PARD3B: variants seen among roughly 807,000 people sequenced by gnomAD.
The protein encoded by PARD3B is partitioning defective 3 homolog B.
In PARD3B, 103 loss-of-function variants were observed where a neutral mutation model predicts 130.2. The observed-to-expected ratio is 0.79, with a 90% CI of 0.67 to 0.93. The LOEUF (loss-of-function observed/expected upper bound fraction) is 0.93. PARD3B is among the 40% of genes least tolerant of loss of function. The probability of loss-of-function intolerance (pLI) is 0.00; values close to 1 mark genes in which losing one functional copy is unlikely to be tolerated. For synonymous variants in PARD3B, 583 were observed against 553.2 expected, an observed-to-expected ratio of 1.05 and a Z score of -0.76; for missense variants, 1,609 against 1,499.2, an observed-to-expected ratio of 1.07 and a Z score of -1.21.
intron 1 of PARD3B, among the ~76,000 whole-genome samples, chr2:204,628,513 C>A (rs886257372): frequency 3.9e-5 from 6 of 152,048 alleles, no homozygotes; most frequent in African/African-American, 1.4e-4. Flanking sequence ...TCTTTTCCTG[C>A]AACAACATAG....
intron 2 of PARD3B, among the ~76,000 whole-genome samples, chr2:204,868,142 C>G (rs1180479803): frequency 6.6e-6 from 1 of 152,150 alleles, no homozygotes; most frequent in Non-Finnish European, 1.5e-5. Context: ...TCATACAGGT[C>G]TCTACAAAGT....
intron 22 of PARD3B, among the ~76,000 whole-genome samples, chr2:205,599,202 C>A (rs1284936785): frequency 6.6e-6 from 1 of 152,100 alleles, no homozygotes; most frequent in South Asian, 2.1e-4. Flanking sequence ...TTATATAAAC[C>A]TCACTTAGTA....
At position 205,615,748 on chromosome 2, in the gene PARD3B, C is replaced by G. The variant is rs762937169; in HGVS notation, c.3553C>G (p.Pro1185Ala). The G allele has an allele frequency of 1.2e-5, 19 of 1,614,114 alleles. 1 individual carries two copies. The South Asian group carries it at 2.1e-4, about 18-fold the overall frequency. The change falls in exon 23 of 23, where the codon CCA becomes GCA. Residue 1185 changes from proline to alanine, a missense_variant. By Grantham distance (27) the Pro-to-Ala change is conservative. Coordinates refer to ENST00000406610, the MANE Select transcript of PARD3B (RefSeq NM_001302769.2). ...TGRPGPRGGS[P>A]DQYPYRTQDS... ...CAGACCAGGGCCCCGTGGGGGCAGCCCAGACCAGTACCCTTACCGAACCCA... is the reference window on the plus strand; with the variant it reads ...CAGACCAGGGCCCCGTGGGGGCAGCGCAGACCAGTACCCTTACCGAACCCA...
chr2:205,550,955 GTA>G lies in PARD3B; in HGVS notation c.3181-2348_3181-2347del, dbSNP rs1553542806. ...TGTGTGTGTGTGTATATATATATGTGTATATATATATATATATATATACACAC... is the reference window on the plus strand; with the variant it reads ...TGTGTGTGTGTGTATATATATATGTGTATATATATATATATATATACACAC... On this transcript the variant is annotated intron_variant, in intron 21 of 22. Coordinates refer to ENST00000406610, the MANE Select transcript of PARD3B (RefSeq NM_001302769.2). The surrounding 1 kb of genome is among the most constrained non-coding windows in gnomAD (Gnocchi z 4.5). Among the ~76,000 whole-genome samples, 56 of 94,462 alleles carry G rather than the reference GTA, an allele frequency of 5.9e-4. No homozygotes were observed. Among genetic ancestry groups the G allele is most frequent in the African/African-American group, 2.1e-3 (55 of 26,408 alleles). The allele number at this position is 94,462 out of a possible 152,430, so 62.0% of individuals were successfully genotyped here. A position where few individuals can be genotyped will look rare whatever the true frequency, so the allele number is the denominator to read the frequency against.
At chr2:204,697,622 T>C (rs916427216) in intron 2 of PARD3B, among the ~76,000 whole-genome samples, 7 of 152,114 alleles carry the variant, frequency 4.6e-5, no homozygotes, top group Non-Finnish European at 7.4e-5. Flanking sequence ...TGTCAGCCTC[T>C]GAGGCATGCA....
intron 4 of PARD3B, among the ~76,000 whole-genome samples, chr2:205,098,423 A>C (rs966313662): frequency 6.6e-6 from 1 of 152,166 alleles, no homozygotes; most frequent in African/African-American, 2.4e-5. Context: ...TTATTGATAG[A>C]CAGGACCGCT....
At chr2:204,883,552 A>G (rs554066494) in intron 2 of PARD3B, among the ~76,000 whole-genome samples, 1 of 147,924 alleles carries the variant, frequency 6.8e-6, no homozygotes, top group African/African-American at 2.5e-5. Flanking sequence ...GGTTCAAGCA[A>G]TTCTCCTGCC....
intron 8 of PARD3B, 22 bp from the exon 9 acceptor site, chr2:205,124,305 T>G (rs777794324): frequency 5.4e-6 from 8 of 1,485,550 alleles, no homozygotes. Flanking sequence ...TGACTATACA[T>G]TTTCCTGTTC....
chr2:205,580,836 G>A (rs1181470519), intron 22 of PARD3B, among the ~76,000 whole-genome samples: 4 of 152,104 alleles, frequency 2.6e-5, no homozygotes, highest in Non-Finnish European at 5.9e-5. Context: ...TGGAAAAAAA[G>A]CTGCTCTCCT....
intron 2 of PARD3B, among the ~76,000 whole-genome samples, chr2:204,844,687 G>A (rs989209717): frequency 2.6e-5 from 4 of 152,090 alleles, no homozygotes; most frequent in African/African-American, 9.7e-5. Context: ...AAATGATAAA[G>A]CATTGCTCCA....
At chr2:204,719,027 G>T (rs774732471) in intron 2 of PARD3B, among the ~76,000 whole-genome samples, 4 of 152,182 alleles carry the variant, frequency 2.6e-5, no homozygotes, top group Non-Finnish European at 5.9e-5. Flanking sequence ...ATTGGGAGAA[G>T]TTATGATCCA....
intron 6 of PARD3B, among the ~76,000 whole-genome samples, chr2:205,114,083 A>G (rs1470201756): frequency 6.6e-6 from 1 of 152,132 alleles, no homozygotes; most frequent in Non-Finnish European, 1.5e-5. Context: ...ATCATGCTGT[A>G]TTTTCCTAAA....
intron 2 of PARD3B, among the ~76,000 whole-genome samples, chr2:204,837,838 G>T (rs906428149): frequency 1.3e-5 from 2 of 152,110 alleles, no homozygotes; most frequent in Non-Finnish European, 2.9e-5. Context: ...AAGACTATTT[G>T]CTCTATGAGA....
intron 2 of PARD3B, among the ~76,000 whole-genome samples, chr2:204,808,101 T>G (rs1291094434): frequency 6.6e-6 from 1 of 152,010 alleles, no homozygotes; most frequent in Non-Finnish European, 1.5e-5. Flanking sequence ...CTACTATATA[T>G]TCATAAAAAT....
rs1177457614 is a variant in PARD3B at position 205,458,920 on chromosome 2, A to G, written c.3044+18248A>G. The stretch of plus-strand genomic sequence containing the variant: ...TTGAGATCACTAGAAGCTGGATTTT[A>G]GTTATGTGAGGGGTAGTGTATTAGT... On this transcript the variant is annotated intron_variant, in intron 20 of 22. Transcript: ENST00000406610. This position sits in a 1 kb window ranked among gnomAD's most constrained non-coding sequence, Gnocchi z 4.8. Among the ~76,000 whole-genome samples, 1 of 152,148 alleles carries G rather than the reference A, an allele frequency of 6.6e-6. No homozygotes were observed. Among genetic ancestry groups the G allele is most frequent in the Non-Finnish European group, 1.5e-5 (1 of 68,006 alleles).
rs1431536924 is a variant in PARD3B, at chr2:205,405,947, C to G, written c.2741+4824C>G. The stretch of plus-strand genomic sequence containing the variant: ...TGCCTGCCAAAAGCTTAATCTGGTC[C>G]TAAGCTACATTACTGGAAGTTCATG... On this transcript the variant is annotated intron_variant, in intron 19 of 22. Coordinates refer to ENST00000406610, the MANE Select transcript of PARD3B (RefSeq NM_001302769.2). The surrounding 1 kb of genome is among the most constrained non-coding windows in gnomAD (Gnocchi z 4.1). 6.6e-6 allele frequency among the ~76,000 whole-genome samples: 1 copy of G among 152,168 alleles called. No homozygotes were observed. Among genetic ancestry groups the G allele is most frequent in the Non-Finnish European group, 1.5e-5 (1 of 68,012 alleles).
intron 16 of PARD3B, among the ~76,000 whole-genome samples, chr2:205,299,835 C>T (rs2041932231): frequency 6.6e-6 from 1 of 152,174 alleles, no homozygotes; most frequent in Non-Finnish European, 1.5e-5. Flanking sequence ...AATAGGAATA[C>T]ATTCAGAACT....
intron 1 of PARD3B, among the ~76,000 whole-genome samples, chr2:204,638,186 A>G (rs1484119869): frequency 6.6e-6 from 1 of 152,202 alleles, no homozygotes; most frequent in Non-Finnish European, 1.5e-5. Context: ...TGACTTGTGT[A>G]CTTTACTGAA....
chr2:205,333,641 A>G (rs1472972759), intron 18 of PARD3B, among the ~76,000 whole-genome samples: 1 of 152,192 alleles, frequency 6.6e-6, no homozygotes, highest in African/African-American at 2.4e-5. Flanking sequence ...CTTTGAGGGA[A>G]AGAATCTACA....
Sources: gnomAD v4.1 joint callset for allele counts (sites outside exome capture counted in the v4.1 genomes callset) on GRCh38, gnomAD v4.1.1 for gene constraint, Gnocchi (gnomAD v3.1) non-coding constraint, MANE v1.5 for transcripts, NCBI Gene and HGNC (gene_info 2026-07-23, HGNC 2026-07-21) for gene names.